The following RERE variants were observed in gnomAD, a reference collection of about 807,000 sequenced individuals.
The protein encoded by RERE is arginine-glutamic acid dipeptide repeats protein.
In RERE, 40 loss-of-function variants were observed where a neutral mutation model predicts 146.1. The ratio of observed to expected loss-of-function variants is 0.27; its 90% confidence interval spans 0.21 to 0.36. The LOEUF (loss-of-function observed/expected upper bound fraction) is 0.36. Ranked by LOEUF, RERE falls within the 10% of genes least tolerant of loss-of-function variation. The pLI is 1.00. For missense variants in RERE, 1,933 were observed against 2,138.7 expected (o/e 0.90, Z 1.90); for synonymous variants, 1,003 against 866.0 (o/e 1.16, Z -2.78).
Position 8,355,511 on chromosome 1 carries a change from G to T in RERE, c.4575C>A (p.Ala1525=). The T allele has an allele frequency of 1.9e-6, 3 of 1,611,974 alleles. No homozygotes were observed. In the South Asian group the frequency reaches 3.3e-5, roughly 18 times the overall value. The change falls in exon 22 of 23, where the codon GCC becomes GCA. Residue 1525 remains alanine, a synonymous_variant. Coordinates refer to ENST00000400908, the MANE Select transcript of RERE (RefSeq NM_001042681.2). ...GCTCCATGGCCAGTCTCTGCAGCTC[G>T]GCCGACTGGGCATGCATGGCCTGCA... ...HQLQAMHAQS[A]ELQRLAMEQQ...
chr1:8,524,946 T>G (rs185880456), intron 7 of RERE, among the ~76,000 whole-genome samples: 89 of 152,356 alleles, frequency 5.8e-4, no homozygotes, highest in African/African-American at 2.0e-3. Flanking sequence ...CCAAGTCACA[T>G]GACAACATAC....
chr1:8,596,454 T>A (rs756895782), intron 4 of RERE, among the ~76,000 whole-genome samples: 11 of 152,250 alleles, frequency 7.2e-5, no homozygotes, highest in African/African-American at 2.7e-4. Flanking sequence ...TGAATTGCAC[T>A]GATATTTTCT....
chr1:8,732,700 T>TCC (rs1456513768), intron 1 of RERE, among the ~76,000 whole-genome samples: 5 of 151,834 alleles, frequency 3.3e-5, no homozygotes, highest in African/African-American at 1.2e-4. Flanking sequence ...TTGTAACAGA[T>TCC]AAGCCACACT....
intron 12 of RERE, among the ~76,000 whole-genome samples, chr1:8,367,708 A>C (rs915812380): frequency 2.0e-5 from 3 of 152,160 alleles, no homozygotes; most frequent in South Asian, 4.1e-4. Flanking sequence ...TGCCATTGGA[A>C]TTTCTGACTG....
chr1:8,609,181 G>A (rs1274986392), intron 4 of RERE, among the ~76,000 whole-genome samples: 3 of 151,160 alleles, frequency 2.0e-5, no homozygotes, highest in Non-Finnish European at 1.5e-5. Context: ...CTGCACCACT[G>A]CTCTCCAGCC....
In RERE at chr1:8,360,444, G is replaced by A. The variant is rs909539963; in HGVS notation, c.3063C>T (p.Pro1021=). Reference sequence around the variant, plus strand: ...GGGCCACCTGGTGGAGGCCTGTAGGGGGGTGGGAGGCAGGGGGCGGGGGCA... The same window carrying A: ...GGGCCACCTGGTGGAGGCCTGTAGGAGGGTGGGAGGCAGGGGGCGGGGGCA... The part of the protein sequence containing the change: ...QNLPPPPASH[P]PTGLHQVAPQ... Residue 1021 remains proline (P), a synonymous_variant, in exon 18 of 23, where the codon CCC becomes CCT. Transcript: ENST00000400908. The A allele has an allele frequency of 1.1e-5, 10 of 951,908 alleles. No homozygotes were observed. The highest frequency in any genetic ancestry group is 1.5e-6 in the Non-Finnish European group (1 of 681,968). The allele number at this position is 951,908 out of a possible 1,614,324, so 59.0% of individuals were successfully genotyped here. A position where few individuals can be genotyped will look rare whatever the true frequency, so the allele number is the denominator to read the frequency against.
intron 7 of RERE, among the ~76,000 whole-genome samples, chr1:8,510,911 A>C (rs1282558762): frequency 6.6e-6 from 1 of 152,128 alleles, no homozygotes; most frequent in South Asian, 2.1e-4. Context: ...CAGAAAAAAC[A>C]TTCCTGCTTG....
intron 1 of RERE, among the ~76,000 whole-genome samples, chr1:8,784,471 T>C (rs1641225664): frequency 6.6e-6 from 1 of 152,094 alleles, no homozygotes; most frequent in African/African-American, 2.4e-5. Context: ...GGGTTTTTTT[T>C]CTCTTTTGTT....
intron 4 of RERE, among the ~76,000 whole-genome samples, chr1:8,563,558 T>A (rs188114194): frequency 1.0e-3 from 155 of 152,318 alleles, no homozygotes; most frequent in Non-Finnish European, 1.9e-3. Context: ...GACAGAGATA[T>A]CAAGGCCAAA....
chr1:8,556,598 T>C (rs765534617), intron 5 of RERE, 27 bp from the exon 6 acceptor site: 2 of 1,397,042 alleles, frequency 1.4e-6, no homozygotes, highest in South Asian at 2.4e-5. Context: ...TAAGACGACA[T>C]TAAAACTGAG....
chr1:8,439,665 G>A (rs574407461), intron 11 of RERE, among the ~76,000 whole-genome samples: 1 of 152,350 alleles, frequency 6.6e-6, no homozygotes, highest in South Asian at 2.1e-4. Context: ...CCCCCTGGCG[G>A]TTCCAGGTGG....
chr1:8,539,166 A>G (rs1040624012), intron 7 of RERE, among the ~76,000 whole-genome samples: 18 of 152,252 alleles, frequency 1.2e-4, no homozygotes, highest in Non-Finnish European at 1.9e-4. Flanking sequence ...TATCACTAAA[A>G]TAACATCCAA....
chr1:8,750,477 C>T (rs1640510665), intron 1 of RERE: 1 of 1,054,350 alleles, frequency 9.5e-7, no homozygotes, highest in Non-Finnish European at 1.5e-6. Flanking sequence ...GTGCCAGAAA[C>T]CCTTAAGAAA....
chr1:8,691,043 G>A (rs986507428), intron 1 of RERE, among the ~76,000 whole-genome samples: 24 of 152,040 alleles, frequency 1.6e-4, no homozygotes, highest in Non-Finnish European at 2.2e-4. Flanking sequence ...GACTATAGGC[G>A]CGCACCACCA....
chr1:8,420,803 G>C (rs1643900093), intron 12 of RERE, among the ~76,000 whole-genome samples: 1 of 152,208 alleles, frequency 6.6e-6, no homozygotes, highest in South Asian at 2.1e-4. Flanking sequence ...ATGGGGAAAG[G>C]TCTCAGCAAA....
chr1:8,402,748 C>T (rs1643306704), intron 12 of RERE, among the ~76,000 whole-genome samples: 1 of 152,064 alleles, frequency 6.6e-6, no homozygotes, highest in Admixed American at 6.6e-5. Flanking sequence ...TTAAACTTAG[C>T]CTTTTAAAAA....
At chr1:8,644,692 G>C (rs1278766125) in intron 2 of RERE, among the ~76,000 whole-genome samples, 1 of 151,986 alleles carries the variant, frequency 6.6e-6, no homozygotes, top group Non-Finnish European at 1.5e-5. Flanking sequence ...TTTCCTTATG[G>C]ACTATGTTGC....
At chr1:8,637,212 C>T (rs752774818) in intron 2 of RERE, among the ~76,000 whole-genome samples, 2 of 152,122 alleles carry the variant, frequency 1.3e-5, no homozygotes, top group Non-Finnish European at 2.9e-5. Flanking sequence ...CAGACAAAGT[C>T]ACAACTTCCT....
At chr1:8,567,989 T>C (rs1646172510) in intron 4 of RERE, among the ~76,000 whole-genome samples, 1 of 152,212 alleles carries the variant, frequency 6.6e-6, no homozygotes, top group South Asian at 2.1e-4. Context: ...AAGGGACATC[T>C]AGATAGTTGG....
Sources: gnomAD v4.1 joint callset for allele counts (sites outside exome capture counted in the v4.1 genomes callset) on GRCh38, gnomAD v4.1.1 for gene constraint, MANE v1.5 for transcripts, NCBI Gene and HGNC (gene_info 2026-07-23, HGNC 2026-07-21) for gene names.